The following NSG2 variants were observed in gnomAD, a reference collection of about 807,000 sequenced individuals.
NSG2 encodes the protein neuronal vesicle trafficking associated 2, also known as neuronal vesicle trafficking-associated protein 2.
In NSG2, 4 loss-of-function variants were observed where a neutral mutation model predicts 16.9. The ratio of observed to expected loss-of-function variants is 0.24; its 90% CI spans 0.12 to 0.54. The LOEUF is 0.54. Among genes scored for constraint, NSG2 ranks in the 20% least tolerant of loss-of-function variants. The pLI, the probability that NSG2 is intolerant of heterozygous loss-of-function variation, is 0.95. For synonymous variants in NSG2, 98 were observed against 88.7 expected, an observed-to-expected ratio of 1.11 and a Z score of -0.59; for missense variants, 179 against 221.1, an observed-to-expected ratio of 0.81 and a Z score of 1.21.
intron 3 of NSG2, among the ~76,000 whole-genome samples, chr5:174,097,909 C>G (rs1037013360): frequency 1.3e-5 from 2 of 151,832 alleles, no homozygotes; most frequent in Non-Finnish European, 2.9e-5. Flanking sequence ...TTCAACTCAA[C>G]ACTGCAGGTC....
In NSG2 at chr5:174,085,432, A is replaced by G. The variant is rs138942932; in HGVS notation, c.214-18796A>G. Among the ~76,000 whole-genome samples, 21 of 152,322 alleles carry G rather than the reference A, an allele frequency of 1.4e-4. No individual in the cohort carries two copies. In the East Asian group the frequency reaches 3.7e-3, roughly 27 times the overall value. ...GTTCTCTTTCAGGTTCCTGCATCCC[A>G]GTCTCTGAACAGCCAAAACTAAACT... On this transcript the variant is annotated intron_variant, in intron 3 of 4. Transcript: ENST00000303177.
intron 3 of NSG2, among the ~76,000 whole-genome samples, chr5:174,098,549 C>T (rs902923964): frequency 2.0e-5 from 3 of 152,192 alleles, no homozygotes; most frequent in Non-Finnish European, 2.9e-5. Flanking sequence ...AATGCTCTGG[C>T]CCGGGGTTGC....
At chr5:174,105,600 A>G (rs1206208742) in intron 4 of NSG2, among the ~76,000 whole-genome samples, 1 of 152,012 alleles carries the variant, frequency 6.6e-6, no homozygotes, top group African/African-American at 2.4e-5. Flanking sequence ...CTTAGAATAC[A>G]CTCCACCAAG....
At chr5:174,089,666 C>T (rs980435169) in intron 3 of NSG2, among the ~76,000 whole-genome samples, 2 of 152,134 alleles carry the variant, frequency 1.3e-5, no homozygotes, top group South Asian at 2.1e-4. Flanking sequence ...TGATTTGTTG[C>T]CCAGGCTGGG....
At chr5:174,089,489 G>A (rs909622265) in intron 3 of NSG2, among the ~76,000 whole-genome samples, 1 of 152,160 alleles carries the variant, frequency 6.6e-6, no homozygotes, top group African/African-American at 2.4e-5. Context: ...AGGAGAGGAA[G>A]AGCGTCTTAC....
chr5:174,085,186 A>G (rs936599102), intron 3 of NSG2, among the ~76,000 whole-genome samples: 1 of 152,202 alleles, frequency 6.6e-6, no homozygotes, highest in African/African-American at 2.4e-5. Flanking sequence ...CAGTAATAAT[A>G]TCCAACATTT....
At chr5:174,054,289 G>T (rs1268968165) in intron 2 of NSG2, among the ~76,000 whole-genome samples, 2 of 152,224 alleles carry the variant, frequency 1.3e-5, no homozygotes, top group East Asian at 3.8e-4. Flanking sequence ...TTAGGGAAAT[G>T]GGAATTGGGG....
At chr5:174,076,739 A>G (rs892204096) in intron 3 of NSG2, among the ~76,000 whole-genome samples, 1 of 152,146 alleles carries the variant, frequency 6.6e-6, no homozygotes, top group Non-Finnish European at 1.5e-5. Flanking sequence ...ACACTTGGCA[A>G]TATCTGGAGA....
chr5:174,046,487 T>A (rs1261172723), intron 1 of NSG2, among the ~76,000 whole-genome samples: 1 of 152,192 alleles, frequency 6.6e-6, no homozygotes, highest in Non-Finnish European at 1.5e-5. Flanking sequence ...AGGTTTAGGA[T>A]TTTCCTTGAA....
chr5:174,083,408 A>G (rs1290168825), intron 3 of NSG2, among the ~76,000 whole-genome samples: 1 of 152,208 alleles, frequency 6.6e-6, no homozygotes, highest in South Asian at 2.1e-4. Flanking sequence ...AGGAAAATCA[A>G]TTGTGTTTCT....
chr5:174,063,119 G>A (rs1760078960), intron 2 of NSG2, among the ~76,000 whole-genome samples: 1 of 152,150 alleles, frequency 6.6e-6, no homozygotes, highest in African/African-American at 2.4e-5. Context: ...CAAAAATATT[G>A]CTCATTATCA....
intron 3 of NSG2, among the ~76,000 whole-genome samples, chr5:174,094,489 A>C (rs1196308830): frequency 6.6e-6 from 1 of 152,144 alleles, no homozygotes; most frequent in Non-Finnish European, 1.5e-5. Context: ...AGAGAGATGA[A>C]GCATCTTACC....
chr5:174,104,192 A>T, intron 3 of NSG2, 36 bp from the exon 4 acceptor site: 1 of 1,500,834 alleles, frequency 6.7e-7, no homozygotes, highest in Non-Finnish European at 9.3e-7. Flanking sequence ...AGGTGGGCAG[A>T]CTGAGGCTGG....
At chr5:174,091,763 T>C (rs1463910554) in intron 3 of NSG2, among the ~76,000 whole-genome samples, 2 of 151,396 alleles carry the variant, frequency 1.3e-5, no homozygotes, top group Admixed American at 6.6e-5. Flanking sequence ...GCCAAGGAAA[T>C]AATACGTGTT....
At chr5:174,088,213 C>A (rs1760664113) in intron 3 of NSG2, among the ~76,000 whole-genome samples, 1 of 152,190 alleles carries the variant, frequency 6.6e-6, no homozygotes, top group Non-Finnish European at 1.5e-5. Flanking sequence ...AGAGAACATT[C>A]TAGTTCCTGT....
intron 3 of NSG2, among the ~76,000 whole-genome samples, chr5:174,076,458 GA>G (rs997919337): frequency 2.0e-5 from 3 of 151,592 alleles, no homozygotes; most frequent in Admixed American, 6.6e-5. Context: ...AAGAGAGAGA[GA>G]AAAAAAGCTA....
intron 1 of NSG2, 74 bp from the exon 2 acceptor site, chr5:174,046,660 C>T (rs765398911): frequency 1.4e-4 from 197 of 1,384,462 alleles, no homozygotes; most frequent in Non-Finnish European, 1.9e-4. Flanking sequence ...GAGGACAGTG[C>T]TATTTTCTCT....
chr5:174,085,963 C>T (rs1760608805), intron 3 of NSG2, among the ~76,000 whole-genome samples: 1 of 152,224 alleles, frequency 6.6e-6, no homozygotes. Flanking sequence ...TCCTGGCTTA[C>T]AGGGATGCTC....
intron 2 of NSG2, among the ~76,000 whole-genome samples, chr5:174,050,417 G>A (rs959389407): frequency 6.6e-6 from 1 of 152,124 alleles, no homozygotes; most frequent in East Asian, 1.9e-4. Context: ...ACTATGCAGG[G>A]CATTCAGGTT....
Sources: gnomAD v4.1 joint callset for allele counts (sites outside exome capture counted in the v4.1 genomes callset) on GRCh38, gnomAD v4.1.1 for gene constraint, MANE v1.5 for transcripts, NCBI Gene and HGNC (gene_info 2026-07-23, HGNC 2026-07-21) for gene names.